Variants in CHSY3 observed in about 807,000 individuals in gnomAD.
CHSY3 encodes chondroitin sulfate synthase 3, also known as N-acetylgalactosaminyl-proteoglycan 3-beta-glucuronosyltransferase 3.
In CHSY3, 35 loss-of-function variants were observed where a neutral mutation model predicts 67.2. The observed-to-expected ratio is 0.52, with a 90% confidence interval of 0.40 to 0.69. CHSY3 has a LOEUF of 0.69. CHSY3 is among the 30% of genes least tolerant of loss of function. The pLI is 0.00. For missense variants in CHSY3, 1,069 were observed against 1,138.5 expected, an observed-to-expected ratio of 0.94 and a Z score of 0.88; for synonymous variants, 474 against 434.7, an observed-to-expected ratio of 1.09 and a Z score of -1.12.
intron 2 of CHSY3, among the ~76,000 whole-genome samples, chr5:130,015,273 A>G (rs943120846): frequency 2.0e-5 from 3 of 152,166 alleles, no homozygotes; most frequent in African/African-American, 7.2e-5. Context: ...CATGCCTCCC[A>G]TACAGCCTGT....
At chr5:130,073,429 A>G (rs1177203632) in intron 2 of CHSY3, among the ~76,000 whole-genome samples, 4 of 151,910 alleles carry the variant, frequency 2.6e-5, no homozygotes, top group Non-Finnish European at 5.9e-5. Context: ...CTGGGATTAC[A>G]GGCATATGCT....
chr5:129,951,215 C>G (rs890175093), intron 2 of CHSY3, among the ~76,000 whole-genome samples: 1 of 152,204 alleles, frequency 6.6e-6, no homozygotes, highest in African/African-American at 2.4e-5. Flanking sequence ...AAATTGAATC[C>G]TTATCTTACA....
At chr5:129,988,457 G>A (rs1398333793) in intron 2 of CHSY3, among the ~76,000 whole-genome samples, 1 of 152,172 alleles carries the variant, frequency 6.6e-6, no homozygotes, top group Non-Finnish European at 1.5e-5. Flanking sequence ...TCACTGTCAT[G>A]GTGTCTTCTA....
At chr5:130,162,353 G>A (rs1769579732) in intron 2 of CHSY3, among the ~76,000 whole-genome samples, 1 of 152,078 alleles carries the variant, frequency 6.6e-6, no homozygotes, top group South Asian at 2.1e-4. Context: ...AAAAAGCAAT[G>A]ATTTTTCTCC....
At chr5:129,948,965 C>T (rs1194391945) in intron 2 of CHSY3, among the ~76,000 whole-genome samples, 1 of 152,154 alleles carries the variant, frequency 6.6e-6, no homozygotes, top group African/African-American at 2.4e-5. Context: ...GGCTAGTTTA[C>T]ATTCCCACCC....
intron 2 of CHSY3, among the ~76,000 whole-genome samples, chr5:130,072,434 G>A (rs1254835731): frequency 6.6e-6 from 1 of 152,090 alleles, no homozygotes; most frequent in East Asian, 1.9e-4. Context: ...CCCCATGTGT[G>A]TTCTTGGCAT....
rs35540828 is a variant in CHSY3 at position 129,997,121 on chromosome 5, T to TAA, written c.1086+88775_1086+88776dup. Among the ~76,000 whole-genome samples, 526 of 145,662 alleles carry TAA rather than the reference T, an allele frequency of 3.6e-3. 1 individual carries two copies. The highest frequency in any genetic ancestry group is 5.0e-3 in the Admixed American group (72 of 14,524). On this transcript the variant is annotated intron_variant, in intron 2 of 2. Coordinates refer to ENST00000305031, the MANE Select transcript of CHSY3 (RefSeq NM_175856.5). ...TATTTCTCAGATGATTCAAAGCATT[T>TAA]AAAAAAAAAAAAAAACTCTAGCTCT...
chr5:130,087,469 C>T (rs1766689170), intron 2 of CHSY3, among the ~76,000 whole-genome samples: 1 of 151,890 alleles, frequency 6.6e-6, no homozygotes, highest in Admixed American at 6.6e-5. Flanking sequence ...TAGAAAACCC[C>T]ATTGTCTCAG....
intron 2 of CHSY3, among the ~76,000 whole-genome samples, chr5:130,160,776 GA>G (rs1476530632): frequency 1.3e-5 from 2 of 152,184 alleles, no homozygotes; most frequent in African/African-American, 4.8e-5. Context: ...AGTGGAGGAT[GA>G]GGGGTGTGTG....
chr5:130,143,191 G>C (rs1338552300), intron 2 of CHSY3, among the ~76,000 whole-genome samples: 1 of 152,162 alleles, frequency 6.6e-6, no homozygotes, highest in Non-Finnish European at 1.5e-5. Flanking sequence ...TATCTCTCCA[G>C]ACTATTTGTT....
At chr5:129,941,646 A>G (rs1480428640) in intron 2 of CHSY3, among the ~76,000 whole-genome samples, 5 of 152,252 alleles carry the variant, frequency 3.3e-5, no homozygotes, top group South Asian at 2.1e-4. Context: ...TTCTCAAACC[A>G]TGTTTTTCCT....
intron 2 of CHSY3, among the ~76,000 whole-genome samples, chr5:130,048,779 G>A (rs959883905): frequency 1.3e-5 from 2 of 151,962 alleles, no homozygotes; most frequent in Non-Finnish European, 2.9e-5. Flanking sequence ...GAGATGGGGA[G>A]GATAAATATT....
chr5:129,965,393 G>A (rs1053869485), intron 2 of CHSY3, among the ~76,000 whole-genome samples: 12 of 151,844 alleles, frequency 7.9e-5, no homozygotes, highest in Admixed American at 2.6e-4. Flanking sequence ...TTACATTTCC[G>A]TATAATACAG....
intron 2 of CHSY3, among the ~76,000 whole-genome samples, chr5:130,023,452 A>T (rs1764448838): frequency 6.6e-6 from 1 of 152,052 alleles, no homozygotes; most frequent in Admixed American, 6.6e-5. Flanking sequence ...GGGAAGATAA[A>T]TATAAAGCAA....
Position 129,921,236 on chromosome 5 carries a change from T to G in CHSY3, c.1086+12876T>G, listed in dbSNP as rs559759057. 4.6e-5 allele frequency among the ~76,000 whole-genome samples: 7 copies of G among 152,338 alleles called. No individual in the cohort carries two copies. The South Asian group carries it at 1.4e-3, about 32-fold the overall frequency. On this transcript the variant is annotated intron_variant, in intron 2 of 2. Coordinates refer to ENST00000305031, the MANE Select transcript of CHSY3 (RefSeq NM_175856.5). ...CTACTCTTGCACTTTGGGGCCGTTA[T>G]TAAGTAAAACATGTACTATGCACAA...
intron 2 of CHSY3, among the ~76,000 whole-genome samples, chr5:130,129,296 G>A (rs1768403212): frequency 1.3e-5 from 2 of 152,080 alleles, no homozygotes; most frequent in East Asian, 1.9e-4. Context: ...AAAAGGATTG[G>A]TTTCACAAAG....
intron 2 of CHSY3, among the ~76,000 whole-genome samples, chr5:130,123,840 G>A (rs760177870): frequency 2.0e-5 from 3 of 151,894 alleles, no homozygotes; most frequent in Non-Finnish European, 2.9e-5. Flanking sequence ...GGCGGATCAC[G>A]AGGTCAGGAG....
chr5:130,057,203 C>T (rs565019279), intron 2 of CHSY3, among the ~76,000 whole-genome samples: 3 of 151,764 alleles, frequency 2.0e-5, no homozygotes, highest in South Asian at 2.1e-4. Context: ...GGATTACAGG[C>T]GTGAGCCACC....
chr5:129,991,605 T>C (rs1474252752), intron 2 of CHSY3, among the ~76,000 whole-genome samples: 1 of 152,160 alleles, frequency 6.6e-6, no homozygotes, highest in Non-Finnish European at 1.5e-5. Context: ...AGTTGAGTGT[T>C]AACCAGTGTC....
Sources: allele counts gnomAD v4.1 joint callset (sites outside exome capture counted in the v4.1 genomes callset), GRCh38; gene constraint gnomAD v4.1.1; transcripts MANE v1.5; gene names NCBI Gene and HGNC (gene_info 2026-07-23, HGNC 2026-07-21).